The following CDH13 variants were observed in gnomAD, a reference collection of about 807,000 sequenced individuals.
The protein encoded by CDH13 is cadherin 13.
In CDH13, 24 loss-of-function variants were observed where a neutral mutation model predicts 63.8. That is an observed-to-expected ratio of 0.38 (90% CI 0.27 to 0.53). The LOEUF is 0.53. CDH13 is among the 20% of genes least tolerant of loss of function. The pLI is 0.85. For missense variants in CDH13, 1,049 were observed against 903.1 expected (o/e 1.16, Z -2.07); for synonymous variants, 503 against 355.3 (o/e 1.42, Z -4.67).
chr16:83,439,830 A>G (rs940168496), intron 6 of CDH13, among the ~76,000 whole-genome samples: 4 of 152,176 alleles, frequency 2.6e-5, no homozygotes, highest in Non-Finnish European at 4.4e-5. Context: ...TTTCCCCATC[A>G]TATTTATTCA....
intron 5 of CDH13, among the ~76,000 whole-genome samples, chr16:83,341,083 C>G (rs2090710932): frequency 1.3e-5 from 2 of 152,204 alleles, no homozygotes; most frequent in African/African-American, 4.8e-5. Flanking sequence ...AGTGGCATCT[C>G]ACTTCTAACA....
At chr16:82,814,248 C>T (rs572477024) in intron 1 of CDH13, among the ~76,000 whole-genome samples, 9 of 152,224 alleles carry the variant, frequency 5.9e-5, no homozygotes, top group South Asian at 2.1e-4. Flanking sequence ...CACAGAGCTC[C>T]GAAATCCCTT....
At chr16:82,710,332 G>C (rs2031815556) in intron 1 of CDH13, among the ~76,000 whole-genome samples, 1 of 145,196 alleles carries the variant, frequency 6.9e-6, no homozygotes, top group Non-Finnish European at 1.5e-5. Flanking sequence ...AGGAGATCGA[G>C]ACCATCGTGG....
intron 10 of CDH13, among the ~76,000 whole-genome samples, chr16:83,741,359 A>G (rs1028121261): frequency 2.0e-5 from 3 of 152,072 alleles, no homozygotes; most frequent in Non-Finnish European, 4.4e-5. Context: ...CTTCTTTCCT[A>G]CAGTTTTACA....
intron 11 of CDH13, among the ~76,000 whole-genome samples, chr16:83,771,211 G>A (rs1214277769): frequency 1.3e-5 from 2 of 151,978 alleles, no homozygotes; most frequent in African/African-American, 4.8e-5. Context: ...CTTAGAAAAC[G>A]CACAGTTCTG....
intron 7 of CDH13, among the ~76,000 whole-genome samples, chr16:83,517,814 A>T (rs2074733430): frequency 6.6e-6 from 1 of 152,200 alleles, no homozygotes; most frequent in Non-Finnish European, 1.5e-5. Context: ...TTTAGCTTTA[A>T]TGGTAATAGA....
chr16:83,489,493 GC>G (rs1250065294), intron 7 of CDH13, among the ~76,000 whole-genome samples: 1 of 152,202 alleles, frequency 6.6e-6, no homozygotes, highest in African/African-American at 2.4e-5. Context: ...ATTTAGGCAA[GC>G]TTTGGCTAGT....
intron 8 of CDH13, among the ~76,000 whole-genome samples, chr16:83,628,620 T>C (rs1198632059): frequency 6.6e-6 from 1 of 152,166 alleles, no homozygotes; most frequent in African/African-American, 2.4e-5. Flanking sequence ...TCCCAGTCTG[T>C]AGTTTTTATT....
At chr16:83,332,572 C>G (rs1406502971) in intron 5 of CDH13, among the ~76,000 whole-genome samples, 1 of 152,142 alleles carries the variant, frequency 6.6e-6, no homozygotes, top group Non-Finnish European at 1.5e-5. Flanking sequence ...TCTCTGCTGG[C>G]TTTGTTTTCT....
At chr16:83,240,673 TAAA>T (rs55638991) in intron 5 of CDH13, among the ~76,000 whole-genome samples, 74,245 of 124,846 alleles carry the variant, frequency 0.59, 23,989 homozygotes, top group East Asian at 0.82. Flanking sequence ...TTTTAAATAG[TAAA>T]AAAAAAAAAA....
chr16:83,652,613 C>CA lies in CDH13; in HGVS notation c.1102-18177_1102-18176insA, dbSNP rs112850319. Among the ~76,000 whole-genome samples the CA allele has an allele frequency of 2.7e-3, 405 of 152,274 alleles. 5 individuals are homozygous for CA. Among genetic ancestry groups the CA allele is most frequent in the African/African-American group, 9.2e-3 (383 of 41,554 alleles). On this transcript the variant is annotated intron_variant, in intron 8 of 13. Transcript: ENST00000567109. ...CCCCTCATGCCATTCACAAAGCAAGCCCTCATTCTCAAATATTGCCTTTCC... is the reference window on the plus strand; with the variant it reads ...CCCCTCATGCCATTCACAAAGCAAGCACCTCATTCTCAAATATTGCCTTTCC...
At chr16:82,684,978 G>A (rs1192661000) in intron 1 of CDH13, among the ~76,000 whole-genome samples, 7 of 130,064 alleles carry the variant, frequency 5.4e-5, no homozygotes, top group African/African-American at 1.9e-4. Flanking sequence ...TATTCTTGGA[G>A]CTGGGAAATT....
At chr16:83,598,715 T>C (rs1257993532) in intron 7 of CDH13, among the ~76,000 whole-genome samples, 1 of 152,112 alleles carries the variant, frequency 6.6e-6, no homozygotes, top group Admixed American at 6.6e-5. Flanking sequence ...GGATGACAAC[T>C]CATCCTTGAA....
intron 4 of CDH13, among the ~76,000 whole-genome samples, chr16:83,201,761 C>A (rs1053947003): frequency 8.0e-5 from 12 of 149,424 alleles, no homozygotes; most frequent in African/African-American, 2.5e-4. Context: ...AAAAAAAACA[C>A]AAAAAATTAG....
intron 3 of CDH13, among the ~76,000 whole-genome samples, chr16:83,115,291 G>C (rs1363020624): frequency 2.0e-5 from 3 of 152,198 alleles, no homozygotes; most frequent in Non-Finnish European, 4.4e-5. Context: ...GCAAGTCGTT[G>C]AATGGATTAA....
intron 10 of CDH13, among the ~76,000 whole-genome samples, chr16:83,723,613 C>T (rs565271595): frequency 6.6e-6 from 1 of 152,348 alleles, no homozygotes; most frequent in East Asian, 1.9e-4. Flanking sequence ...CCACCTGTCA[C>T]TGGTCACTCC....
intron 2 of CDH13, among the ~76,000 whole-genome samples, chr16:82,934,595 A>G (rs575027411): frequency 2.0e-5 from 3 of 152,120 alleles, no homozygotes; most frequent in Admixed American, 2.0e-4. Flanking sequence ...TTTCTTTTCT[A>G]TTGCATTGTC....
At chr16:83,294,640 T>C (rs560564417) in intron 5 of CDH13, among the ~76,000 whole-genome samples, 2 of 151,896 alleles carry the variant, frequency 1.3e-5, no homozygotes, top group African/African-American at 4.8e-5. Flanking sequence ...GTGATATTCA[T>C]GTATTGATGG....
At chr16:82,943,700 C>T (rs568788908) in intron 2 of CDH13, among the ~76,000 whole-genome samples, 95 of 152,298 alleles carry the variant, frequency 6.2e-4, no homozygotes, top group African/African-American at 2.2e-3. Context: ...AGAAATATAA[C>T]CTGGCCTTGC....
Sources: allele counts gnomAD v4.1 joint callset (sites outside exome capture counted in the v4.1 genomes callset), GRCh38; gene constraint gnomAD v4.1.1; transcripts MANE v1.5; gene names NCBI Gene and HGNC (gene_info 2026-07-23, HGNC 2026-07-21).